Variants in SERPIND1 observed in about 807,000 individuals in gnomAD.
SERPIND1 encodes the protein serpin family D member 1.
In SERPIND1, 34 loss-of-function variants were observed where a neutral mutation model predicts 35.0. That is an observed-to-expected ratio of 0.97 (90% CI 0.74 to 1.29). The LOEUF (loss-of-function observed/expected upper bound fraction) is 1.29. Ranked by LOEUF, SERPIND1 falls within the 50% of genes most tolerant of loss-of-function variation. The probability of loss-of-function intolerance (pLI) is 0.00; values close to 1 mark genes in which losing one functional copy is unlikely to be tolerated. For synonymous variants in SERPIND1, 236 were observed against 241.1 expected, an observed-to-expected ratio of 0.98 and a Z score of 0.19; for missense variants, 633 against 637.7, an observed-to-expected ratio of 0.99 and a Z score of 0.08.
chr22:20,779,352 A>G lies in SERPIND1; in HGVS notation c.40A>G (p.Ile14Val), dbSNP rs1306898008. 8.7e-6 allele frequency: 14 copies of G among 1,614,066 alleles called. No individual in the cohort carries two copies. The highest frequency in any genetic ancestry group is 1.2e-5 in the Non-Finnish European group (14 of 1,180,036). ...AAACGCACTTCTCATTTTCCTCATC[A>G]TAACATCTGCGTGGGGTGGGAGCAA... ...SLNALLIFLIITSAWGGSKGP... is the reference protein window; with the variant it reads ...SLNALLIFLIVTSAWGGSKGP... Residue 14 changes from isoleucine to valine, a missense_variant, in exon 2 of 5, where the codon ATA (isoleucine) becomes GTA (valine). Ile to Val is a conservative substitution (Grantham distance 29, BLOSUM62 3). Coordinates refer to ENST00000215727, the MANE Select transcript of SERPIND1 (RefSeq NM_000185.4).
At chr22:20,782,761 C>T (rs1396827736) in intron 2 of SERPIND1, among the ~76,000 whole-genome samples, 3 of 152,076 alleles carry the variant, frequency 2.0e-5, no homozygotes, top group Admixed American at 6.6e-5. Context: ...TGCTAAACAC[C>T]CTACCATGCA....
Position 20,779,537 on chromosome 22 carries a change from G to C in SERPIND1, c.225G>C (p.Glu75Asp), listed in dbSNP as rs1390621879. 4 of 1,614,036 alleles carry C rather than the reference G, an allele frequency of 2.5e-6. No individual in the cohort carries two copies. Among genetic ancestry groups the C allele is most frequent in the Admixed American group, 3.3e-5 (2 of 60,028 alleles). ...VTNDWIPEGE[E>D]DDDYLDLEKI... ...ACGACTGGATTCCAGAGGGGGAGGA[G>C]GACGACGACTATCTGGACCTGGAGA... The change falls in exon 2 of 5, where the codon GAG (glutamate) becomes GAC (aspartate). Residue 75 changes from glutamate to aspartate, a missense_variant. Coordinates refer to ENST00000215727, the MANE Select transcript of SERPIND1 (RefSeq NM_000185.4).
intron 1 of SERPIND1, among the ~76,000 whole-genome samples, chr22:20,774,632 G>A (rs976803479): frequency 2.6e-5 from 4 of 151,924 alleles, no homozygotes; most frequent in East Asian, 1.9e-4. Flanking sequence ...GTGGTGGCAC[G>A]CGCCTGTAAT....
At chr22:20,786,817 G>T in intron 4 of SERPIND1, 58 bp from the exon 5 acceptor site, 1 of 1,514,260 alleles carries the variant, frequency 6.6e-7, no homozygotes, top group South Asian at 1.1e-5. Context: ...ATTGTGCTGG[G>T]AACTCTAGCC....
At position 20,784,204 on chromosome 22, in the gene SERPIND1, A is replaced by AC; in HGVS notation, c.1126dup (p.Arg376ProfsTer44). The AC allele has an allele frequency of 6.2e-7, 1 of 1,614,030 alleles. No homozygotes were observed. ...TGAAGACCCTCGAAGCGCAACTGAC[A>AC]CCCCGGGTGGTGGAGAGATGGCAAA... On this transcript the variant is annotated frameshift_variant, in exon 3 of 5. Coordinates refer to ENST00000215727, the MANE Select transcript of SERPIND1 (RefSeq NM_000185.4). LOFTEE classifies it high-confidence loss of function.
intron 2 of SERPIND1, among the ~76,000 whole-genome samples, chr22:20,782,636 C>CGT (rs1294849400): frequency 1.3e-5 from 2 of 152,144 alleles, no homozygotes; most frequent in African/African-American, 4.8e-5. Context: ...CTGAAAGGGC[C>CGT]GTGATTCCCA....
intron 2 of SERPIND1, among the ~76,000 whole-genome samples, chr22:20,781,509 G>C (rs1052507556): frequency 3.9e-5 from 6 of 152,206 alleles, no homozygotes; most frequent in Non-Finnish European, 8.8e-5. Context: ...AGGGAAAGGG[G>C]GCCAGAGCCC....
intron 2 of SERPIND1, among the ~76,000 whole-genome samples, chr22:20,780,775 C>CAAAAAAAAAAAAAAAAAAAA (rs538327544): frequency 5.8e-4 from 39 of 67,600 alleles, no homozygotes; most frequent in African/African-American, 1.1e-3. Flanking sequence ...GACTCCATCT[C>CAAAAAAAAAAAAAAAAAAAA]AAAAAAAAAA....
Position 20,780,205 on chromosome 22 carries a change from A to C in SERPIND1, c.889+4A>C. 1 of 1,614,242 alleles carries C rather than the reference A, an allele frequency of 6.2e-7. No homozygotes were observed. The highest frequency in any genetic ancestry group is 8.5e-7 in the Non-Finnish European group (1 of 1,180,044). ...CTCAACTGCATCTACTTCAAAGGTA[A>C]GAGGCACCTTTACAGTTCTCACAGC... On this transcript the variant is annotated splice_donor_region_variant and intron_variant, in intron 2 of 4. Transcript: ENST00000215727.
intron 3 of SERPIND1, among the ~76,000 whole-genome samples, chr22:20,784,767 T>C (rs1196734366): frequency 6.6e-6 from 1 of 152,180 alleles, no homozygotes; most frequent in Non-Finnish European, 1.5e-5. Context: ...AAACTGCAGG[T>C]GTTAAGTACT....
chr22:20,775,135 A>C (rs1228683519), intron 1 of SERPIND1, among the ~76,000 whole-genome samples: 1 of 152,134 alleles, frequency 6.6e-6, no homozygotes, highest in Non-Finnish European at 1.5e-5. Flanking sequence ...CTGATGCGTG[A>C]CTGAAAAGGC....
Position 20,787,214 on chromosome 22 carries a change from G to T in SERPIND1, c.*148G>T. 1.4e-6 allele frequency: 1 copy of T among 732,942 alleles called. No individual in the cohort carries two copies. Among genetic ancestry groups the T allele is most frequent in the South Asian group, 1.6e-5 (1 of 64,060 alleles). 45.4% of individuals were successfully genotyped at this position (732,942 alleles called of 1,614,324 possible). ...GCCCATATGAGAGGAGCTTAGAAAC[G>T]ACCAAGAAGAGAGGCTTGTTGGAAT... On this transcript the variant is annotated 3_prime_UTR_variant, in exon 5 of 5. Coordinates refer to ENST00000215727, the MANE Select transcript of SERPIND1 (RefSeq NM_000185.4).
intron 1 of SERPIND1, among the ~76,000 whole-genome samples, chr22:20,777,971 G>A (rs1933434360): frequency 6.6e-6 from 1 of 152,142 alleles, no homozygotes; most frequent in African/African-American, 2.4e-5. Context: ...TTGAGTAAGA[G>A]CTTGCTGACA....
chr22:20,776,040 GGCTGA>G (rs767118094), intron 1 of SERPIND1, among the ~76,000 whole-genome samples: 7 of 152,190 alleles, frequency 4.6e-5, no homozygotes, highest in Non-Finnish European at 1.0e-4. Context: ...CATTTCTAGA[GGCTGA>G]GCATGGTAAC....
rs771239760 is a variant in SERPIND1, at chr22:20,786,948, T to A, written c.1382T>A (p.Met461Lys). 1.9e-6 allele frequency: 3 copies of A among 1,614,168 alleles called. No homozygotes were observed. The highest frequency in any genetic ancestry group is 2.2e-5 in the East Asian group (1 of 44,878). ...ACCACTGTGACCACGGTGGGGTTCA[T>A]GCCGCTGTCCACCCAAGTCCGCTTC... Reference protein sequence around the residue: ...QATTVTTVGFMPLSTQVRFTV... With the variant: ...QATTVTTVGFKPLSTQVRFTV... Residue 461 changes from methionine to lysine, a missense_variant, in exon 5 of 5, where the codon ATG becomes AAG. Transcript: ENST00000215727.
intron 1 of SERPIND1, among the ~76,000 whole-genome samples, chr22:20,776,732 G>A (rs1004246134): frequency 1.3e-5 from 2 of 152,092 alleles, no homozygotes; most frequent in African/African-American, 2.4e-5. Flanking sequence ...TGACAGTGAC[G>A]AAAGGCTCAG....
intron 1 of SERPIND1, 53 bp from the exon 2 acceptor site, chr22:20,779,244 C>T (rs757745528): frequency 4.4e-6 from 7 of 1,609,040 alleles, no homozygotes; most frequent in Non-Finnish European, 5.1e-6. Flanking sequence ...GATGCTGCAG[C>T]GGGGTGTGGA....
chr22:20,784,126 A>C lies in SERPIND1; in HGVS notation c.1044A>C (p.Glu348Asp). ...TGGACTGCGACATCCTCCAGCTGGA[A>C]TACGTGGGGGGCATCAGCATGCTAA... ...QELDCDILQLEYVGGISMLIV... is the reference protein window; with the variant it reads ...QELDCDILQLDYVGGISMLIV... The change falls in exon 3 of 5, where the codon GAA (glutamate) becomes GAC (aspartate). Residue 348 changes from glutamate to aspartate, a missense_variant. Coordinates refer to ENST00000215727, the MANE Select transcript of SERPIND1 (RefSeq NM_000185.4). 1 of 1,614,190 alleles carries C rather than the reference A, an allele frequency of 6.2e-7. No homozygotes were observed. Among genetic ancestry groups the C allele is most frequent in the Non-Finnish European group, 8.5e-7 (1 of 1,180,028 alleles).
chr22:20,786,551 A>G (rs1041799505), intron 4 of SERPIND1, among the ~76,000 whole-genome samples: 7 of 152,210 alleles, frequency 4.6e-5, no homozygotes, highest in South Asian at 2.1e-4. Context: ...CAGTCCAAAC[A>G]GTGCAGCAGA....
Sources: gnomAD v4.1 joint callset for allele counts (sites outside exome capture counted in the v4.1 genomes callset) on GRCh38, gnomAD v4.1.1 for gene constraint, MANE v1.5 for transcripts, NCBI Gene and HGNC (gene_info 2026-07-23, HGNC 2026-07-21) for gene names.